ARHGEF1: variants seen among roughly 807,000 people sequenced by gnomAD.
ARHGEF1 encodes the protein 115 kDa guanine nucleotide exchange factor.
ARHGEF1 carries 40 observed loss-of-function variants against 119.7 expected under a neutral mutation model. The ratio of observed to expected loss-of-function variants is 0.33; its 90% CI spans 0.26 to 0.44. The LOEUF is 0.44. ARHGEF1 is among the 20% of genes least tolerant of loss of function. The probability of loss-of-function intolerance (pLI) is 1.00; values close to 1 mark genes in which losing one functional copy is unlikely to be tolerated. For synonymous variants in ARHGEF1, 494 were observed against 521.0 expected (o/e 0.95, Z 0.71); for missense variants, 976 against 1,268.3 (o/e 0.77, Z 3.50).
chr19:41,907,412 G>GAATT lies in ARHGEF1; in HGVS notation c.*326_*329dup, dbSNP rs1555850599. ...TGCCTTCGCTCTGTTTTTATACCCT[G>GAATT]AATTGGAGGTTTATTTTTTAATATA... On this transcript the variant is annotated 3_prime_UTR_variant, in exon 29 of 29. Transcript: ENST00000354532. 6 of 1,531,834 alleles carry GAATT rather than the reference G, an allele frequency of 3.9e-6. No individual in the cohort carries two copies. The highest frequency in any genetic ancestry group is 5.2e-6 in the Non-Finnish European group (6 of 1,145,638). 94.9% of individuals were successfully genotyped at this position (1,531,834 alleles called of 1,614,324 possible).
rs1555847309 is a variant in ARHGEF1 at position 41,895,348 on chromosome 19, G to A, written c.878-1G>A. 1 of 1,605,070 alleles carries A rather than the reference G, an allele frequency of 6.2e-7. No individual in the cohort carries two copies. Among genetic ancestry groups the A allele is most frequent in the Admixed American group, 1.7e-5 (1 of 59,550 alleles). ...CTCTTTCTCCCTCACTGTCTCCCCA[G>A]CCGAGAAGCCAGGTGCTACAGACCG... On this transcript the variant is annotated splice_acceptor_variant, in intron 11 of 28. Transcript: ENST00000354532. LOFTEE classifies it high-confidence loss of function.
chr19:41,904,422 C>A lies in ARHGEF1; in HGVS notation c.2161+39C>A. 2 of 1,507,778 alleles carry A rather than the reference C, an allele frequency of 1.3e-6. No homozygotes were observed. Among genetic ancestry groups the A allele is most frequent in the South Asian group, 1.2e-5 (1 of 80,696 alleles). 93.4% of individuals were successfully genotyped at this position (1,507,778 alleles called of 1,614,324 possible). ...CTGCATGGCCCAGGGCAGAGGGTGT[C>A]TTTTTTGGGCAGAGCTGCCTGTGGA... is the stretch of plus-strand genomic sequence containing the variant. On this transcript the variant is annotated intron_variant, in intron 22 of 28. Transcript: ENST00000354532. This position sits in a 1 kb window ranked among gnomAD's most constrained non-coding sequence, Gnocchi z 8.4.
intron 13 of ARHGEF1, chr19:41,897,014 C>T (rs181758974): frequency 2.3e-6 from 1 of 438,548 alleles, no homozygotes; most frequent in Middle Eastern, 3.3e-4. Context: ...TCCCCACCTT[C>T]CATCCCCCTC....
intron 1 of ARHGEF1, among the ~76,000 whole-genome samples, chr19:41,887,149 C>T (rs908544727): frequency 3.3e-5 from 5 of 151,934 alleles, no homozygotes; most frequent in East Asian, 3.9e-4. Context: ...ACAGGACAGA[C>T]GGAGCTACAG....
Position 41,902,218 on chromosome 19 carries a change from C to T in ARHGEF1, c.1415-56C>T. Reference sequence around the variant, plus strand: ...CTACCCCCACCACACCGCAGCAGGCCCCGCACAGCATCTTCCAGACCCTGG... The same window carrying T: ...CTACCCCCACCACACCGCAGCAGGCTCCGCACAGCATCTTCCAGACCCTGG... On this transcript the variant is annotated intron_variant, in intron 15 of 28. Coordinates refer to ENST00000354532, the MANE Select transcript of ARHGEF1 (RefSeq NM_004706.4). The surrounding 1 kb of genome is among the most constrained non-coding windows in gnomAD (Gnocchi z 6.5). The T allele has an allele frequency of 3.1e-6, 5 of 1,604,684 alleles. No individual in the cohort carries two copies. The highest frequency in any genetic ancestry group is 4.3e-6 in the Non-Finnish European group (5 of 1,172,626).
chr19:41,926,314 G>A (rs1378730613), intron 1 of ARHGEF1, among the ~76,000 whole-genome samples: 2 of 152,080 alleles, frequency 1.3e-5, no homozygotes, highest in African/African-American at 4.8e-5. Context: ...TACCTCCAGG[G>A]CAGATGAAGG....
At position 41,902,655 on chromosome 19, in the gene ARHGEF1, G is replaced by A; in HGVS notation, c.1620G>A (p.Val540=). ...QRKDPRFCAF[V]QEAESRPRCR... is the part of the protein sequence containing the mutation. ...AGGACCCTCGGTTCTGTGCCTTCGT[G>A]CAGGTGAGGTGGGGTCTGGACTCCA... The change falls in exon 17 of 29, where the codon GTG becomes GTA. Residue 540 remains valine (V), a synonymous_variant. Transcript: ENST00000354532. This position sits in a 1 kb window ranked among gnomAD's most constrained non-coding sequence, Gnocchi z 6.5. 6.2e-7 allele frequency: 1 copy of A among 1,614,240 alleles called. No homozygotes were observed. The highest frequency in any genetic ancestry group is 1.7e-5 in the Admixed American group (1 of 60,036).
chr19:41,906,913 T>TCTCCCCACTCCAC lies in ARHGEF1; in HGVS notation c.*17+114_*17+126dup. ...CATCTCCCTCTTTGTCTTTTCTGAA[T>TCTCCCCACTCCAC]CTCCCCACTCCACCTCGTGTTTCTC... On this transcript the variant is annotated intron_variant, in intron 28 of 28. Coordinates refer to ENST00000354532, the MANE Select transcript of ARHGEF1 (RefSeq NM_004706.4). This position sits in a 1 kb window ranked among gnomAD's most constrained non-coding sequence, Gnocchi z 4.5. 1.0e-6 allele frequency: 1 copy of TCTCCCCACTCCAC among 983,740 alleles called. No homozygotes were observed. 60.9% of individuals were successfully genotyped at this position (983,740 alleles called of 1,614,324 possible).
At chr19:41,919,955 CGA>C (rs2074828413), upstream of ARHGEF1, among the ~76,000 whole-genome samples, 1 of 139,702 alleles carries the variant, frequency 7.2e-6, no homozygotes, top group Non-Finnish European at 1.6e-5. Context: ...CCAGACGTGA[CGA>C]ACTCACAGAC....
chr19:41,909,318 A>G, downstream of ARHGEF1: 1 of 1,235,048 alleles, frequency 8.1e-7, no homozygotes, highest in Non-Finnish European at 1.0e-6. The surrounding 1 kb of genome is among the most constrained non-coding windows in gnomAD (Gnocchi z 5.2). Context: ...GGGCCCCCCC[A>G]AAGGGACTGG....
At chr19:41,919,955 C>T (rs34704406), upstream of ARHGEF1, among the ~76,000 whole-genome samples, 3,847 of 139,410 alleles carry the variant, frequency 0.028, 165 homozygotes, top group African/African-American at 0.096. Context: ...CCAGACGTGA[C>T]GAACTCACAG....
chr19:41,888,222 G>A lies in ARHGEF1; in HGVS notation c.55G>A (p.Val19Ile), dbSNP rs781904321. The A allele has an allele frequency of 7.4e-6, 12 of 1,613,932 alleles. No homozygotes were observed. The highest frequency in any genetic ancestry group is 1.0e-5 in the Non-Finnish European group (12 of 1,180,000). ...ASPGPSRPGL[V>I]PVSIIGAEDE... ...CCCAGGCCCCTCCCGGCCTGGCCTGGTTCCCGTCAGCATCATCGGGGCTGA... is the reference window on the plus strand; with the variant it reads ...CCCAGGCCCCTCCCGGCCTGGCCTGATTCCCGTCAGCATCATCGGGGCTGA... The change falls in exon 3 of 29, where the codon GTT becomes ATT. Residue 19 changes from valine (V) to isoleucine (I), a missense_variant. Val to Ile is a conservative substitution (Grantham distance 29). Around this residue, in one of 3 missense-constraint regions of ARHGEF1, gnomAD observed 519 missense variants for 580.9 expected, o/e 0.89. Coordinates refer to ENST00000354532, the MANE Select transcript of ARHGEF1 (RefSeq NM_004706.4). This position sits in a 1 kb window ranked among gnomAD's most constrained non-coding sequence, Gnocchi z 5.1.
chr19:41,904,162 G>T lies in ARHGEF1; in HGVS notation c.1993+52G>T, dbSNP rs1474385527. 2.5e-6 allele frequency: 4 copies of T among 1,613,038 alleles called. No homozygotes were observed. The African/African-American group carries it at 5.3e-5, about 22-fold the overall frequency. ...CAGGGTGTTGGGGCAGTGAGCCAAG[G>T]GCGGGGAGGGGGTCGCGCGGGGGCA... On this transcript the variant is annotated intron_variant, in intron 21 of 28. Coordinates refer to ENST00000354532, the MANE Select transcript of ARHGEF1 (RefSeq NM_004706.4). This position sits in a 1 kb window ranked among gnomAD's most constrained non-coding sequence, Gnocchi z 8.4.
rs2074347427 is a variant in ARHGEF1 at position 41,889,768 on chromosome 19, T to C, written c.225+903T>C. 6.6e-6 allele frequency: 1 copy of C among 152,238 alleles called. No individual in the cohort carries two copies. The highest frequency in any genetic ancestry group is 2.1e-4 in the South Asian group (1 of 4,828). The allele number at this position is 152,238 out of a possible 1,614,324, so 9.4% of individuals were successfully genotyped here. On this transcript the variant is annotated intron_variant, in intron 4 of 28. Transcript: ENST00000354532. The surrounding 1 kb of genome is among the most constrained non-coding windows in gnomAD (Gnocchi z 4.0). ...CATCCGGACGCCAAACCATCAGATA[T>C]GCAGAAAATTAGGAAATTGCAGTCT...
intron 1 of ARHGEF1, chr19:41,884,505 G>A: frequency 6.2e-7 from 1 of 1,606,478 alleles, no homozygotes; most frequent in South Asian, 1.1e-5. Flanking sequence ...TGAGGGACGC[G>A]GTCCCCAGCG....
chr19:41,883,329 C>A lies in ARHGEF1; in HGVS notation c.-20+40C>A, dbSNP rs2074250152. The A allele has an allele frequency of 6.1e-6, 1 of 163,854 alleles. No homozygotes were observed. 10.2% of individuals were successfully genotyped at this position (163,854 alleles called of 1,614,324 possible). On this transcript the variant is annotated intron_variant, in intron 1 of 28. Transcript: ENST00000354532. The surrounding 1 kb of genome is among the most constrained non-coding windows in gnomAD (Gnocchi z 7.6). ...GCCCCGCCCGGCCTCCTCCCCTCGG[C>A]TGTTGGGGGAAGTGGGGAGGAGGAG... is the stretch of plus-strand genomic sequence containing the variant.
chr19:41,894,392 T>G (rs1393233679), intron 9 of ARHGEF1, 59 bp from the exon 10 acceptor site: 12 of 1,521,558 alleles, frequency 7.9e-6, no homozygotes, highest in Non-Finnish European at 9.7e-6. Context: ...AGCGTCAAAT[T>G]CTGCTTTGTT....
In ARHGEF1 at chr19:41,903,459, G is replaced by A; in HGVS notation, c.1839+52G>A. ...GGACAGTGGATGGTGTGAGAGCAGG[G>A]GGTGGACCCTACCTCAGCCTGTCCA... On this transcript the variant is annotated intron_variant, in intron 19 of 28. Coordinates refer to ENST00000354532, the MANE Select transcript of ARHGEF1 (RefSeq NM_004706.4). The surrounding 1 kb of genome is among the most constrained non-coding windows in gnomAD (Gnocchi z 4.2). 1 of 1,552,774 alleles carries A rather than the reference G, an allele frequency of 6.4e-7. No individual in the cohort carries two copies. The highest frequency in any genetic ancestry group is 8.9e-7 in the Non-Finnish European group (1 of 1,128,246).
At chr19:41,901,092 C>T (rs1012534011) in intron 14 of ARHGEF1, among the ~76,000 whole-genome samples, 1 of 151,180 alleles carries the variant, frequency 6.6e-6, no homozygotes, top group Non-Finnish European at 1.5e-5. Context: ...CCCGGCCCCT[C>T]AGTGGCTATT....
Sources: allele counts gnomAD v4.1 joint callset (sites outside exome capture counted in the v4.1 genomes callset), GRCh38; gene constraint gnomAD v4.1.1; regional missense constraint gnomAD v4.1.1; non-coding constraint Gnocchi (gnomAD v3.1); transcripts MANE v1.5; gene names NCBI Gene and HGNC (gene_info 2026-07-23, HGNC 2026-07-21).